Variants in SOS1 observed in about 807,000 individuals in gnomAD.
SOS1 encodes the protein son of sevenless homolog 1.
Under a neutral mutation model 157.6 loss-of-function variants are expected in SOS1, and 25 were observed. The observed-to-expected ratio is 0.16, with a 90% confidence interval of 0.12 to 0.22. SOS1 has a LOEUF of 0.22. Among genes scored for constraint, SOS1 ranks in the 10% least tolerant of loss-of-function variants. SOS1 has a pLI of 1.00. For missense variants in SOS1, 1,237 were observed against 1,599.1 expected, an observed-to-expected ratio of 0.77 and a Z score of 3.86; for synonymous variants, 528 against 534.0, an observed-to-expected ratio of 0.99 and a Z score of 0.16.
intron 11 of SOS1, among the ~76,000 whole-genome samples, chr2:39,014,343 T>C (rs1028672149): frequency 6.6e-6 from 1 of 152,106 alleles, no homozygotes; most frequent in Non-Finnish European, 1.5e-5. Context: ...CTGTTAAGGG[T>C]AATTCCAGAA....
chr2:39,004,477 T>C (rs1669222366), intron 17 of SOS1, among the ~76,000 whole-genome samples: 1 of 145,858 alleles, frequency 6.9e-6, no homozygotes, highest in Admixed American at 6.8e-5. Context: ...TCAGTAAACC[T>C]AGATTAACAA....
In SOS1 at chr2:39,015,802, C is replaced by CTTTTTT. The variant is rs1054843148; in HGVS notation, c.1859-962_1859-957dup. On this transcript the variant is annotated intron_variant, in intron 10 of 22. Transcript: ENST00000402219. ...TCAAGGCCCACATTTAATTGTAAAT[C>CTTTTTT]TTTTTTTTTTTTTTTTTTTTTTTTA... Among the ~76,000 whole-genome samples the CTTTTTT allele has an allele frequency of 3.9e-3, 342 of 87,400 alleles. 9 individuals are homozygous for CTTTTTT. The highest frequency in any genetic ancestry group is 0.015 in the African/African-American group (327 of 21,538). 57.3% of individuals were successfully genotyped at this position (87,400 alleles called of 152,430 possible).
chr2:39,073,571 G>C (rs545660616), intron 1 of SOS1, among the ~76,000 whole-genome samples: 4 of 152,224 alleles, frequency 2.6e-5, no homozygotes, highest in Admixed American at 2.6e-4. Flanking sequence ...CCTTCCTTAA[G>C]GACTACTTGA....
intron 1 of SOS1, chr2:39,098,354 C>T (rs923295670): frequency 1.4e-4 from 34 of 249,636 alleles, no homozygotes; most frequent in African/African-American, 7.6e-4. Flanking sequence ...TTTCTGGAAG[C>T]ATGTCTCCTT....
chr2:39,007,529 A>C (rs1023496913), intron 15 of SOS1: 1 of 236,940 alleles, frequency 4.2e-6, no homozygotes, highest in Non-Finnish European at 8.2e-6. Flanking sequence ...GGTGTATTCT[A>C]GTAGAATTCA....
intron 1 of SOS1, among the ~76,000 whole-genome samples, chr2:39,088,699 T>C (rs1335061232): frequency 6.6e-6 from 1 of 152,234 alleles, no homozygotes; most frequent in Non-Finnish European, 1.5e-5. Context: ...CATGCATGTA[T>C]ATACTACATT....
At chr2:39,014,611 TATAAA>T (rs1191937708) in intron 11 of SOS1, among the ~76,000 whole-genome samples, 149 bp downstream of exon 11, 5 of 152,084 alleles carry the variant, frequency 3.3e-5, no homozygotes, top group African/African-American at 1.2e-4. Context: ...CTAACATTAT[TATAAA>T]ATAAATGTTC....
At chr2:39,075,378 GT>G (rs1415665712) in intron 1 of SOS1, among the ~76,000 whole-genome samples, 1 of 152,180 alleles carries the variant, frequency 6.6e-6, no homozygotes, top group South Asian at 2.1e-4. Context: ...TGAATTTAAG[GT>G]TCTTGTATTA....
chr2:39,121,741 G>A (rs993979196), upstream of SOS1, among the ~76,000 whole-genome samples: 2 of 152,152 alleles, frequency 1.3e-5, no homozygotes, highest in African/African-American at 2.4e-5. Flanking sequence ...TAAACTGGAA[G>A]GCAGATCTTT....
intron 1 of SOS1, among the ~76,000 whole-genome samples, chr2:39,077,786 C>T (rs1377008461): frequency 1.3e-5 from 2 of 151,986 alleles, no homozygotes; most frequent in South Asian, 2.1e-4. Context: ...CTATCACATA[C>T]CATATATAAA....
chr2:39,123,118 G>A (rs1235988900), upstream of SOS1, among the ~76,000 whole-genome samples: 1 of 152,086 alleles, frequency 6.6e-6, no homozygotes, highest in African/African-American at 2.4e-5. Flanking sequence ...CCTGCCTAAA[G>A]AACATTGTTC....
chr2:39,110,026 TTGTG>T (rs150125819), intron 1 of SOS1, among the ~76,000 whole-genome samples: 1 of 134,156 alleles, frequency 7.5e-6, no homozygotes. Context: ...ACAGATACAG[TTGTG>T]TGTGTGTGCG....
rs1054843148 is a variant in SOS1, at chr2:39,015,802, C to CTTTTT, written c.1859-961_1859-957dup. Among the ~76,000 whole-genome samples, 735 of 87,388 alleles carry CTTTTT rather than the reference C, an allele frequency of 8.4e-3. 32 individuals carry two copies. The highest frequency in any genetic ancestry group is 0.032 in the African/African-American group (697 of 21,532). The allele number at this position is 87,388 out of a possible 152,430, so 57.3% of individuals were successfully genotyped here. A position where few individuals can be genotyped will look rare whatever the true frequency, so the allele number is the denominator to read the frequency against. On this transcript the variant is annotated intron_variant, in intron 10 of 22. Transcript: ENST00000402219. ...TCAAGGCCCACATTTAATTGTAAAT[C>CTTTTT]TTTTTTTTTTTTTTTTTTTTTTTTA...
At chr2:39,124,403 G>T (rs533159068), upstream of SOS1, 2 of 152,410 alleles carry the variant, frequency 1.3e-5, no homozygotes, top group South Asian at 2.1e-4. Context: ...GACGCACGAG[G>T]CGCGTCCGGG....
chr2:39,061,030 C>G (rs1447663301), intron 2 of SOS1, among the ~76,000 whole-genome samples: 1 of 151,506 alleles, frequency 6.6e-6, no homozygotes, highest in Non-Finnish European at 1.5e-5. Flanking sequence ...CAACCCCTGT[C>G]CATATCAATT....
At chr2:39,059,437 T>G (rs192155120) in intron 2 of SOS1, among the ~76,000 whole-genome samples, 1 of 152,164 alleles carries the variant, frequency 6.6e-6, no homozygotes, top group African/African-American at 2.4e-5. Flanking sequence ...CAGGTTACTA[T>G]CACAGCTGAA....
intron 17 of SOS1, among the ~76,000 whole-genome samples, chr2:39,004,234 T>C (rs1399968588): frequency 2.0e-5 from 3 of 151,752 alleles, no homozygotes; most frequent in African/African-American, 4.8e-5. Context: ...GCTAACACGG[T>C]GAAACCCTGT....
chr2:39,031,032 A>G (rs1670141564), intron 8 of SOS1, among the ~76,000 whole-genome samples: 1 of 152,056 alleles, frequency 6.6e-6, no homozygotes, highest in Admixed American at 6.6e-5. Flanking sequence ...ATTCTTCCTT[A>G]GAGCCTTTAG....
At chr2:39,077,937 A>G (rs1393061654) in intron 1 of SOS1, among the ~76,000 whole-genome samples, 1 of 152,246 alleles carries the variant, frequency 6.6e-6, no homozygotes, top group Non-Finnish European at 1.5e-5. Context: ...TAAAATGAAG[A>G]AAAATTCTAA....
Sources: gnomAD v4.1 joint callset for allele counts (sites outside exome capture counted in the v4.1 genomes callset) on GRCh38, gnomAD v4.1.1 for gene constraint, MANE v1.5 for transcripts, NCBI Gene and HGNC (gene_info 2026-07-23, HGNC 2026-07-21) for gene names.